The following CNTN3 variants were observed in gnomAD, a reference collection of about 807,000 sequenced individuals.
The protein encoded by CNTN3 is contactin-3.
Under a neutral mutation model 119.1 loss-of-function variants are expected in CNTN3, and 60 were observed. That is an observed-to-expected ratio of 0.50 (90% CI 0.41 to 0.62). CNTN3 has a LOEUF of 0.62. CNTN3 is among the 20% of genes least tolerant of loss of function. CNTN3 has a pLI of 0.00. For synonymous variants in CNTN3, 450 were observed against 438.7 expected (o/e 1.03, Z -0.32); for missense variants, 1,101 against 1,242.4 (o/e 0.89, Z 1.71).
intron 3 of CNTN3, among the ~76,000 whole-genome samples, chr3:74,489,370 A>G (rs1702919341): frequency 6.6e-6 from 1 of 151,958 alleles, no homozygotes; most frequent in Admixed American, 6.6e-5. Flanking sequence ...TTTCATATTC[A>G]ACAACCGATT....
At chr3:74,482,506 A>G (rs1013094952) in intron 4 of CNTN3, among the ~76,000 whole-genome samples, 32 of 152,066 alleles carry the variant, frequency 2.1e-4, no homozygotes, top group African/African-American at 7.2e-4. Flanking sequence ...TCATTTTATC[A>G]CAACCACTAT....
intron 22 of CNTN3, among the ~76,000 whole-genome samples, chr3:74,265,665 C>T (rs1022970885): frequency 8.6e-5 from 13 of 152,046 alleles, no homozygotes; most frequent in East Asian, 3.9e-4. Context: ...TTTCTATTTC[C>T]GTTTCTCTTC....
intron 1 of CNTN3, among the ~76,000 whole-genome samples, chr3:74,605,305 A>G (rs1362410623): frequency 6.6e-6 from 1 of 152,098 alleles, no homozygotes; most frequent in African/African-American, 2.4e-5. Flanking sequence ...TCACCATACA[A>G]AAAATAAGCA....
intron 1 of CNTN3, among the ~76,000 whole-genome samples, chr3:74,595,320 G>T: frequency 6.6e-6 from 1 of 151,320 alleles, no homozygotes. Context: ...TGTCAATTTT[G>T]GCTTTTGTTG....
chr3:74,303,898 G>A (rs965810304), intron 13 of CNTN3, among the ~76,000 whole-genome samples: 2 of 152,108 alleles, frequency 1.3e-5, no homozygotes, highest in African/African-American at 4.8e-5. Context: ...CTTGTAATAA[G>A]TCATATGATT....
At chr3:74,564,051 T>C (rs1052234626) in intron 1 of CNTN3, among the ~76,000 whole-genome samples, 3 of 152,136 alleles carry the variant, frequency 2.0e-5, no homozygotes, top group South Asian at 2.1e-4. Context: ...GTTCATATTA[T>C]AAAGAAGTCA....
chr3:74,470,593 C>T (rs1188461698), intron 4 of CNTN3, among the ~76,000 whole-genome samples: 3 of 152,080 alleles, frequency 2.0e-5, no homozygotes, highest in Non-Finnish European at 4.4e-5. Context: ...AGCATTTGGG[C>T]AGAGTATGGC....
chr3:74,458,476 G>A (rs1702308743), intron 4 of CNTN3, among the ~76,000 whole-genome samples: 1 of 151,980 alleles, frequency 6.6e-6, no homozygotes, highest in South Asian at 2.1e-4. Context: ...GTGCCCATGA[G>A]TATAGTTTTA....
At chr3:74,588,021 C>G (rs1031384862) in intron 1 of CNTN3, among the ~76,000 whole-genome samples, 106 of 152,174 alleles carry the variant, frequency 7.0e-4, no homozygotes, top group Non-Finnish European at 1.2e-3. Context: ...TGAATTTTGT[C>G]AAAGGCCTTT....
intron 5 of CNTN3, among the ~76,000 whole-genome samples, chr3:74,408,937 C>T (rs764818403): frequency 6.6e-6 from 1 of 152,056 alleles, no homozygotes; most frequent in Non-Finnish European, 1.5e-5. Context: ...CAGTTCTTCA[C>T]TCTATTATAT....
chr3:74,426,750 TAA>T (rs1463262141), intron 4 of CNTN3, among the ~76,000 whole-genome samples: 6 of 152,292 alleles, frequency 3.9e-5, no homozygotes, highest in African/African-American at 1.2e-4. Flanking sequence ...CTCAAAACAT[TAA>T]GTCTCTTGGA....
At chr3:74,439,856 A>C (rs1215386441) in intron 4 of CNTN3, among the ~76,000 whole-genome samples, 1 of 152,200 alleles carries the variant, frequency 6.6e-6, no homozygotes, top group Non-Finnish European at 1.5e-5. Flanking sequence ...AACTCTAATT[A>C]AGTGCCTACA....
chr3:74,327,253 C>T (rs938348102), intron 13 of CNTN3, among the ~76,000 whole-genome samples: 4 of 151,678 alleles, frequency 2.6e-5, no homozygotes, highest in Non-Finnish European at 5.9e-5. Flanking sequence ...CTCAGCCTCT[C>T]GAGTAGCTGT....
At position 74,527,007 on chromosome 3, in the gene CNTN3, T is replaced by C. The variant is rs532573975; in HGVS notation, c.-80-5815A>G. On this transcript the variant is annotated intron_variant, in intron 1 of 22. Transcript: ENST00000263665. ...ACATAGACAGACATAAGCTAACTTG[T>C]GTGTACTCTATGCTTTATTACACTG... is the stretch of plus-strand genomic sequence containing the variant. Among the ~76,000 whole-genome samples, 4 of 152,044 alleles carry C rather than the reference T, an allele frequency of 2.6e-5. 1 individual carries two copies. In the South Asian group the frequency reaches 8.3e-4, roughly 31 times the overall value.
intron 5 of CNTN3, among the ~76,000 whole-genome samples, chr3:74,389,100 T>C (rs1704829822): frequency 6.6e-6 from 1 of 152,222 alleles, no homozygotes; most frequent in African/African-American, 2.4e-5. Flanking sequence ...ATTTTAATTA[T>C]TAAAAACTAC....
chr3:74,318,411 C>T, intron 13 of CNTN3, among the ~76,000 whole-genome samples: 1 of 152,174 alleles, frequency 6.6e-6, no homozygotes, highest in Admixed American at 6.5e-5. Context: ...AGGAGAGGCG[C>T]TCTGATTTTT....
At chr3:74,489,927 T>C (rs1166298958) in intron 3 of CNTN3, among the ~76,000 whole-genome samples, 1 of 152,162 alleles carries the variant, frequency 6.6e-6, no homozygotes, top group African/African-American at 2.4e-5. Flanking sequence ...ATATCATGGT[T>C]AGTATGGGAG....
At chr3:74,464,967 C>T (rs1702435508) in intron 4 of CNTN3, among the ~76,000 whole-genome samples, 1 of 152,134 alleles carries the variant, frequency 6.6e-6, no homozygotes. Context: ...CAAGAGGCAC[C>T]TAAATTTGGA....
chr3:74,285,370 C>G lies in CNTN3; in HGVS notation c.2639G>C (p.Arg880Pro). 6.2e-7 allele frequency: 1 copy of G among 1,613,476 alleles called. No homozygotes were observed. The highest frequency in any genetic ancestry group is 1.1e-5 in the South Asian group (1 of 91,002). Residue 880 changes from arginine to proline, a missense_variant, in exon 20 of 23, where the codon CGG becomes CCG. By Grantham distance (103) the Arg-to-Pro change is moderately radical. Transcript: ENST00000263665. ...KSNLAYYTAV[R>P]AYNSAGAGPF... is the part of the protein sequence containing the mutation. ...CCCAGCGCCGGCACTGTTGTAAGCC[C>G]GGACAGCCGTGTAATAGGCCAGGTT...
Sources: gnomAD v4.1 joint callset for allele counts (sites outside exome capture counted in the v4.1 genomes callset) on GRCh38, gnomAD v4.1.1 for gene constraint, MANE v1.5 for transcripts, NCBI Gene and HGNC (gene_info 2026-07-23, HGNC 2026-07-21) for gene names.